The following COPG2 variants were observed in gnomAD, a reference collection of about 807,000 sequenced individuals.
COPG2 encodes the protein coatomer subunit gamma-2.
A neutral mutation model predicts 46.3 loss-of-function variants in COPG2; 37 were observed. The ratio of observed to expected loss-of-function variants is 0.80; its 90% CI spans 0.61 to 1.05. The LOEUF (loss-of-function observed/expected upper bound fraction) is 1.05, where lower values mean the gene tolerates loss of function less well. Ranked by LOEUF, COPG2 falls within the 50% of genes least tolerant of loss-of-function variation. The pLI, the probability that COPG2 is intolerant of heterozygous loss-of-function variation, is 0.00. For synonymous variants in COPG2, 159 were observed against 129.7 expected, an observed-to-expected ratio of 1.23 and a Z score of -1.53; for missense variants, 427 against 387.8, an observed-to-expected ratio of 1.10 and a Z score of -0.85.
chr7:130,607,038 T>G (rs1794746700), intron 9 of COPG2, among the ~76,000 whole-genome samples: 2 of 151,912 alleles, frequency 1.3e-5, no homozygotes, highest in Admixed American at 1.3e-4. Flanking sequence ...CTCAGGAGTT[T>G]GAGACCGGCC....
chr7:130,638,212 A>G (rs1554456665), intron 5 of COPG2, among the ~76,000 whole-genome samples: 1 of 152,132 alleles, frequency 6.6e-6, no homozygotes, highest in African/African-American at 2.4e-5. Flanking sequence ...TCAGGGACCC[A>G]CTTGAGGAGG....
chr7:130,667,551 A>G lies in COPG2; in HGVS notation c.38-17T>C. On this transcript the variant is annotated splice_polypyrimidine_tract_variant and intron_variant, in intron 1 of 23. Transcript: ENST00000425248. Reference sequence around the variant, plus strand: ...AGCCACTACCTATTTATAAAACAAAACAAAAAAATGTCCTGAACAGCTGTT... The same window carrying G: ...AGCCACTACCTATTTATAAAACAAAGCAAAAAAATGTCCTGAACAGCTGTT... 1.2e-6 allele frequency: 2 copies of G among 1,610,234 alleles called. No homozygotes were observed. Among genetic ancestry groups the G allele is most frequent in the Non-Finnish European group, 1.7e-6 (2 of 1,177,284 alleles).
At chr7:130,543,038 C>G (rs1227918726) in intron 20 of COPG2, among the ~76,000 whole-genome samples, 1 of 152,088 alleles carries the variant, frequency 6.6e-6, no homozygotes, top group African/African-American at 2.4e-5. Context: ...AATAGGAAAA[C>G]AGAAAAAGAA....
At position 130,557,840 on chromosome 7, in the gene COPG2, C is replaced by CAAAAAAA. The variant is rs1793655722; in HGVS notation, c.1129-2709_1129-2708insTTTTTTT. 1.3e-3 allele frequency among the ~76,000 whole-genome samples: 30 copies of CAAAAAAA among 22,392 alleles called. 5 individuals are homozygous for CAAAAAAA. Among genetic ancestry groups the CAAAAAAA allele is most frequent in the South Asian group, 4.8e-3 (3 of 624 alleles). 14.7% of individuals were successfully genotyped at this position (22,392 alleles called of 152,430 possible). On this transcript the variant is annotated intron_variant, in intron 12 of 23. Transcript: ENST00000425248. ...CTCAAAAAAAAAAAAAAAAAAAAAT[C>CAAAAAAA]ATGCAAGAATAGCCAGGAAAACAAT... is the stretch of plus-strand genomic sequence containing the variant.
At position 130,656,660 on chromosome 7, in the gene COPG2, T is replaced by C. The variant is rs537443149; in HGVS notation, c.244-3712A>G. Among the ~76,000 whole-genome samples, 14 of 152,260 alleles carry C rather than the reference T, an allele frequency of 9.2e-5. No homozygotes were observed. In the East Asian group the frequency reaches 2.3e-3, roughly 25 times the overall value. ...AAAAAGGTCAATATATAAAAGTTCA[T>C]TTAATTCTAGAGACTACCAATAAAC... On this transcript the variant is annotated intron_variant, in intron 4 of 23. Coordinates refer to ENST00000425248, the MANE Select transcript of COPG2 (RefSeq NM_012133.6).
intron 20 of COPG2, among the ~76,000 whole-genome samples, chr7:130,542,477 G>A (rs879178607): frequency 7.2e-5 from 11 of 152,096 alleles, no homozygotes; most frequent in African/African-American, 1.4e-4. Context: ...CAGTACAGCA[G>A]GTTGAGGACA....
intron 9 of COPG2, among the ~76,000 whole-genome samples, chr7:130,592,051 T>A (rs1362466958): frequency 2.6e-5 from 4 of 152,218 alleles, no homozygotes; most frequent in African/African-American, 9.6e-5. Context: ...TTTTGTTCTG[T>A]ACTAACAAAA....
intron 9 of COPG2, chr7:130,564,627 GA>G (rs1793773747): frequency 5.9e-6 from 2 of 340,804 alleles, no homozygotes; most frequent in African/African-American, 4.2e-5. Flanking sequence ...ATCTATTTAA[GA>G]AAAGTAGCTG....
chr7:130,547,560 A>C, intron 20 of COPG2, 114 bp downstream of exon 20: 1 of 397,762 alleles, frequency 2.5e-6, no homozygotes, highest in South Asian at 1.4e-4. Flanking sequence ...ACAAACACTC[A>C]TCATTAAATT....
intron 20 of COPG2, among the ~76,000 whole-genome samples, chr7:130,532,403 G>A (rs1313258963): frequency 1.3e-5 from 2 of 152,150 alleles, no homozygotes; most frequent in East Asian, 3.9e-4. Context: ...AAGGGGAATG[G>A]AGACAGCGTG....
At chr7:130,666,767 T>C (rs1273377599) in intron 3 of COPG2, 82 bp downstream of exon 3, 3 of 677,312 alleles carry the variant, frequency 4.4e-6, no homozygotes, top group Middle Eastern at 7.3e-4. Flanking sequence ...TAAATAAATA[T>C]ACTTTCCAGA....
In COPG2 at chr7:130,516,542, G is replaced by A. The variant is rs1282960080; in HGVS notation, c.2150-7883C>T. On this transcript the variant is annotated intron_variant, in intron 20 of 23. Transcript: ENST00000425248. ...CTGAGGAGACTTATATGCAAAAATC[G>A]CAAAGAAGGAGAGAACAAAAGATGG... Among the ~76,000 whole-genome samples the A allele has an allele frequency of 2.0e-5, 3 of 152,148 alleles. 1 individual carries two copies. The highest frequency in any genetic ancestry group is 4.1e-4 in the South Asian group (2 of 4,822).
At chr7:130,645,081 AAAAAG>A in intron 5 of COPG2, 1 of 378,094 alleles carries the variant, frequency 2.6e-6, no homozygotes, top group South Asian at 2.3e-5. Context: ...AAAAAAAAAA[AAAAAG>A]AAAAGAAATG....
Position 130,532,816 on chromosome 7 carries a change from G to A in COPG2, c.2149+14858C>T, listed in dbSNP as rs1010483718. 4.6e-5 allele frequency among the ~76,000 whole-genome samples: 7 copies of A among 152,140 alleles called. No individual in the cohort carries two copies. The East Asian group carries it at 5.8e-4, about 13-fold the overall frequency. On this transcript the variant is annotated intron_variant, in intron 20 of 23. Transcript: ENST00000425248. ...GTGGATTCGGTGCAGTACGTGTGACGCAGAGATGACTGCATCTGGTGGAGC... is the reference window on the plus strand; with the variant it reads ...GTGGATTCGGTGCAGTACGTGTGACACAGAGATGACTGCATCTGGTGGAGC...
chr7:130,624,243 T>C, intron 5 of COPG2, among the ~76,000 whole-genome samples: 1 of 152,170 alleles, frequency 6.6e-6, no homozygotes, highest in South Asian at 2.1e-4. Context: ...AATACATACT[T>C]GGGGGGACAC....
chr7:130,659,994 T>A, intron 4 of COPG2, among the ~76,000 whole-genome samples: 1 of 152,234 alleles, frequency 6.6e-6, no homozygotes, highest in East Asian at 1.9e-4. Context: ...ATGTAAACTA[T>A]GTAATCCTCA....
intron 5 of COPG2, among the ~76,000 whole-genome samples, chr7:130,622,126 G>T (rs191411191): frequency 1.3e-5 from 2 of 152,024 alleles, no homozygotes; most frequent in African/African-American, 4.8e-5. Flanking sequence ...GAATGACAGG[G>T]AAATGAACAG....
intron 9 of COPG2, among the ~76,000 whole-genome samples, chr7:130,582,165 C>A (rs1794161172): frequency 1.4e-5 from 2 of 146,200 alleles, no homozygotes; most frequent in Non-Finnish European, 3.0e-5. Context: ...ATCAATGGAA[C>A]AGAACAGAGC....
At chr7:130,618,552 A>C (rs1406361827) in intron 5 of COPG2, among the ~76,000 whole-genome samples, 1 of 152,182 alleles carries the variant, frequency 6.6e-6, no homozygotes, top group Non-Finnish European at 1.5e-5. Context: ...CACATTCTAG[A>C]ATTAACAGGT....
Sources: gnomAD v4.1 joint callset for allele counts (sites outside exome capture counted in the v4.1 genomes callset) on GRCh38, gnomAD v4.1.1 for gene constraint, MANE v1.5 for transcripts, NCBI Gene and HGNC (gene_info 2026-07-23, HGNC 2026-07-21) for gene names.